Variants in CD96 observed in about 807,000 individuals in gnomAD.
CD96 encodes CD96 molecule, also known as T-cell surface protein tactile.
In CD96, 70 loss-of-function variants were observed where a neutral mutation model predicts 71.3. The ratio of observed to expected loss-of-function variants is 0.98; its 90% CI spans 0.81 to 1.20. CD96 has a LOEUF of 1.20. Ranked by LOEUF, CD96 falls within the 50% of genes most tolerant of loss-of-function variation. CD96 has a pLI of 0.00. For synonymous variants in CD96, 248 were observed against 233.0 expected (o/e 1.06, Z -0.59); for missense variants, 742 against 677.5 (o/e 1.10, Z -1.06).
At chr3:111,600,283 A>T (rs778904979) in intron 6 of CD96, among the ~76,000 whole-genome samples, 43 of 152,210 alleles carry the variant, frequency 2.8e-4, no homozygotes, top group Non-Finnish European at 2.9e-5. Flanking sequence ...GGGTAGTCCA[A>T]AACGGAGTCC....
intron 10 of CD96, among the ~76,000 whole-genome samples, chr3:111,630,457 G>C (rs1471662250): frequency 6.6e-6 from 1 of 152,088 alleles, no homozygotes; most frequent in Non-Finnish European, 1.5e-5. Context: ...GACTGAACCA[G>C]GAAGAAACTG....
chr3:111,608,789 A>G (rs1937758406), intron 8 of CD96, among the ~76,000 whole-genome samples: 1 of 152,260 alleles, frequency 6.6e-6, no homozygotes, highest in Admixed American at 6.5e-5. Flanking sequence ...TAATAAGAAT[A>G]ATGTTCCTTC....
At chr3:111,565,807 T>C (rs1468020976) in intron 2 of CD96, among the ~76,000 whole-genome samples, 2 of 151,438 alleles carry the variant, frequency 1.3e-5, no homozygotes, top group East Asian at 3.9e-4. Flanking sequence ...TGCAAGAAAA[T>C]ATATAACCAC....
chr3:111,607,413 C>T (rs1034762028), intron 8 of CD96, among the ~76,000 whole-genome samples: 1 of 152,156 alleles, frequency 6.6e-6, no homozygotes, highest in African/African-American at 2.4e-5. Context: ...GGAGGTCAGT[C>T]TGGGTCAGCA....
Position 111,628,070 on chromosome 3 carries a change from T to A in CD96, c.1321+3666T>A, listed in dbSNP as rs115589722. On this transcript the variant is annotated intron_variant, in intron 10 of 13. Transcript: ENST00000352690. ...ATTAGCACAAAAACACTGAAAACTTTAAAAAAAGAAAAAGAAAAAGAAAAA... is the reference window on the plus strand; with the variant it reads ...ATTAGCACAAAAACACTGAAAACTTAAAAAAAAGAAAAAGAAAAAGAAAAA... Among the ~76,000 whole-genome samples the A allele has an allele frequency of 7.5e-3, 1,144 of 151,632 alleles. 17 individuals carry two copies. The highest frequency in any genetic ancestry group is 0.026 in the African/African-American group (1,085 of 41,314).
chr3:111,594,271 TTAAA>T (rs1285480047), intron 5 of CD96: 1 of 1,498,848 alleles, frequency 6.7e-7, no homozygotes, highest in Non-Finnish European at 8.9e-7. Context: ...AACCACAAGA[TTAAA>T]TATATATTTG....
chr3:111,601,318 A>G (rs1317535706), intron 7 of CD96, among the ~76,000 whole-genome samples: 2 of 152,348 alleles, frequency 1.3e-5, no homozygotes, highest in Admixed American at 6.5e-5. Flanking sequence ...TGTACAACAT[A>G]TATACTTTTA....
chr3:111,638,723 A>C (rs770762294), intron 12 of CD96, among the ~76,000 whole-genome samples: 16 of 152,218 alleles, frequency 1.1e-4, no homozygotes, highest in Non-Finnish European at 1.9e-4. Flanking sequence ...AGGGGTGTTC[A>C]CTTGACTAGT....
chr3:111,548,231 C>T (rs1934512995), intron 2 of CD96, among the ~76,000 whole-genome samples: 1 of 152,134 alleles, frequency 6.6e-6, no homozygotes, highest in Non-Finnish European at 1.5e-5. Context: ...CTTCCTGTTT[C>T]TTTTCTGTTG....
At chr3:111,661,424 C>T (rs974993094) in intron 14 of CD96, among the ~76,000 whole-genome samples, 26 of 152,236 alleles carry the variant, frequency 1.7e-4, no homozygotes, top group Admixed American at 9.2e-4. Flanking sequence ...AAAGTCTTAA[C>T]TCATTCCAAC....
intron 5 of CD96, among the ~76,000 whole-genome samples, chr3:111,587,861 G>T (rs1157135107): frequency 6.6e-6 from 1 of 152,184 alleles, no homozygotes; most frequent in African/African-American, 2.4e-5. Context: ...GGCTGGAGTG[G>T]CTAGGACACA....
Position 111,606,700 on chromosome 3 carries a change from GTTCTGAAATT to G in CD96, c.1090_1099del (p.Ser364ProfsTer7), listed in dbSNP as rs762151934. The G allele has an allele frequency of 1.4e-5, 21 of 1,493,782 alleles. No homozygotes were observed. The highest frequency in any genetic ancestry group is 1.9e-5 in the Non-Finnish European group (20 of 1,070,758). The allele number at this position is 1,493,782 out of a possible 1,614,324, so 92.5% of individuals were successfully genotyped here. A position where few individuals can be genotyped will look rare whatever the true frequency, so the allele number is the denominator to read the frequency against. On this transcript the variant is annotated frameshift_variant and splice_region_variant, in exon 8 of 14. Transcript: ENST00000352690. LOFTEE classifies it high-confidence loss of function. ...ATAAATCTCTTTCTAATCCTTTAAG[GTTCTGAAATT>G]TCCTCAACAGACCCTCCACTGAGTG...
At chr3:111,591,371 TAAA>T (rs3082283) in intron 5 of CD96, among the ~76,000 whole-genome samples, 18 of 88,130 alleles carry the variant, frequency 2.0e-4, no homozygotes, top group Admixed American at 3.1e-4. Context: ...GACTCCATCT[TAAA>T]AAAAAAAAAA....
intron 2 of CD96, among the ~76,000 whole-genome samples, chr3:111,549,442 G>T (rs557441064): frequency 1.9e-4 from 29 of 152,122 alleles, no homozygotes; most frequent in Non-Finnish European, 4.1e-4. Flanking sequence ...TAATTAAAAG[G>T]TGGTTGTTTT....
chr3:111,602,163 T>G (rs193240177), intron 7 of CD96, among the ~76,000 whole-genome samples: 2 of 152,212 alleles, frequency 1.3e-5, no homozygotes, highest in African/African-American at 4.8e-5. Context: ...GATTCTCACA[T>G]AGATTTGTCA....
intron 10 of CD96, among the ~76,000 whole-genome samples, chr3:111,628,331 A>G (rs1938882556): frequency 6.6e-6 from 1 of 152,266 alleles, no homozygotes. Context: ...AGAGAGGAAC[A>G]TAACCAATCT....
At chr3:111,610,152 A>G (rs990956147) in intron 8 of CD96, among the ~76,000 whole-genome samples, 1 of 152,242 alleles carries the variant, frequency 6.6e-6, no homozygotes, top group Non-Finnish European at 1.5e-5. Flanking sequence ...TGTTTGGAAT[A>G]ATTTTCTGTT....
chr3:111,645,975 T>G (rs562149049), intron 12 of CD96, among the ~76,000 whole-genome samples: 2 of 152,302 alleles, frequency 1.3e-5, no homozygotes, highest in South Asian at 4.1e-4. Context: ...TTCTTTGACC[T>G]GTATTTTTTG....
At chr3:111,656,450 A>G (rs950105209), downstream of CD96, among the ~76,000 whole-genome samples, 1 of 152,198 alleles carries the variant, frequency 6.6e-6, no homozygotes, top group Non-Finnish European at 1.5e-5. Flanking sequence ...GAATATGATG[A>G]TATCTAACAA....
Sources: gnomAD v4.1 joint callset for allele counts (sites outside exome capture counted in the v4.1 genomes callset) on GRCh38, gnomAD v4.1.1 for gene constraint, MANE v1.5 for transcripts, NCBI Gene and HGNC (gene_info 2026-07-23, HGNC 2026-07-21) for gene names.